The following LHPP variants were observed in gnomAD, a reference collection of about 807,000 sequenced individuals.
LHPP encodes hLHPP.
Under a neutral mutation model 30.3 loss-of-function variants are expected in LHPP, and 24 were observed. The observed-to-expected ratio is 0.79, with a 90% CI of 0.57 to 1.11. The LOEUF (loss-of-function observed/expected upper bound fraction) is 1.11. Among genes scored for constraint, LHPP ranks in the 50% most tolerant of loss-of-function variants. The probability of loss-of-function intolerance (pLI) is 0.00; values close to 1 mark genes in which losing one functional copy is unlikely to be tolerated. For synonymous variants in LHPP, 150 were observed against 157.1 expected, an observed-to-expected ratio of 0.95 and a Z score of 0.34; for missense variants, 356 against 367.2, an observed-to-expected ratio of 0.97 and a Z score of 0.25.
intron 6 of LHPP, among the ~76,000 whole-genome samples, chr10:124,546,558 A>G (rs1201080207): frequency 6.6e-6 from 1 of 151,896 alleles, no homozygotes; most frequent in Non-Finnish European, 1.5e-5. Flanking sequence ...GCCTGCCACC[A>G]CGCCCGGCTA....
intron 6 of LHPP, among the ~76,000 whole-genome samples, chr10:124,607,896 G>A (rs977525782): frequency 2.0e-5 from 3 of 152,208 alleles, no homozygotes; most frequent in Non-Finnish European, 4.4e-5. Flanking sequence ...GGGTGCACAC[G>A]TGGCGGCTGC....
At chr10:124,520,993 G>A (rs951510115) in intron 6 of LHPP, among the ~76,000 whole-genome samples, 2 of 152,234 alleles carry the variant, frequency 1.3e-5, no homozygotes, top group African/African-American at 2.4e-5. Context: ...GTGGCTACTA[G>A]AAAAGGTTCG....
intron 1 of LHPP, among the ~76,000 whole-genome samples, chr10:124,467,700 G>T (rs141313951): frequency 2.7e-3 from 315 of 115,216 alleles, no homozygotes; most frequent in African/African-American, 0.01. Context: ...TTTTGTGTGT[G>T]TGTGTGTTTT....
At chr10:124,553,731 TTACAGGCGTGAGCCACCACGCCCGGCC>T in intron 6 of LHPP, among the ~76,000 whole-genome samples, 1 of 152,292 alleles carries the variant, frequency 6.6e-6, no homozygotes, top group Non-Finnish European at 1.5e-5. Flanking sequence ...AGTGCCGGGA[TTACAGGCGTGAGCCACCACGCCCGGCC>T]TACAGCCATT....
In LHPP at chr10:124,564,947, G is replaced by A. The variant is rs147967885; in HGVS notation, c.716+47676G>A. ...ACATCTTATGTTCTCACTGATATGT[G>A]GGAGCTAAGCTATGAAGACGCAAAG... On this transcript the variant is annotated intron_variant, in intron 6 of 6. Coordinates refer to ENST00000368842, the MANE Select transcript of LHPP (RefSeq NM_022126.4). Among the ~76,000 whole-genome samples, 541 of 152,328 alleles carry A rather than the reference G, an allele frequency of 3.6e-3. 2 individuals carry two copies. The highest frequency in any genetic ancestry group is 0.012 in the African/African-American group (513 of 41,568).
At position 124,508,166 on chromosome 10, in the gene LHPP, C is replaced by T. The variant is rs527717727; in HGVS notation, c.625-9014C>T. Among the ~76,000 whole-genome samples the T allele has an allele frequency of 3.0e-4, 45 of 152,172 alleles. 1 individual carries two copies. The highest frequency in any genetic ancestry group is 5.0e-4 in the Non-Finnish European group (34 of 67,974). Reference sequence around the variant, plus strand: ...ATGTCTGTCCACATGGGGGCCACTCCGGCCCAGTTCTTTCTGCTGTGGCCT... The same window carrying T: ...ATGTCTGTCCACATGGGGGCCACTCTGGCCCAGTTCTTTCTGCTGTGGCCT... On this transcript the variant is annotated intron_variant, in intron 5 of 6. Transcript: ENST00000368842.
intron 6 of LHPP, among the ~76,000 whole-genome samples, chr10:124,550,604 G>A (rs898015828): frequency 2.6e-5 from 4 of 152,324 alleles, no homozygotes; most frequent in Admixed American, 2.0e-4. Flanking sequence ...GCACAGGGCC[G>A]TTCCCTTCCT....
chr10:124,613,450 G>A lies in LHPP; in HGVS notation c.*90G>A. ...CCCCTGCCTCTCCTCCACCCGCCCA[G>A]GAGAGCCCCACCTCCTCCACCCCTG... On this transcript the variant is annotated 3_prime_UTR_variant, in exon 7 of 7. Coordinates refer to ENST00000368842, the MANE Select transcript of LHPP (RefSeq NM_022126.4). The A allele has an allele frequency of 5.5e-6, 4 of 731,904 alleles. No homozygotes were observed. The highest frequency in any genetic ancestry group is 6.2e-6 in the Non-Finnish European group (3 of 480,408). The allele number at this position is 731,904 out of a possible 1,614,324, so 45.3% of individuals were successfully genotyped here.
chr10:124,489,780 T>C lies in LHPP; in HGVS notation c.467+1205T>C, dbSNP rs974708540. Reference sequence around the variant, plus strand: ...TGTAATTTTTTTCTTTTTTTTTTTTTCTGCTTATAAGTTTATTCAATGCAA... The same window carrying C: ...TGTAATTTTTTTCTTTTTTTTTTTTCCTGCTTATAAGTTTATTCAATGCAA... On this transcript the variant is annotated intron_variant, in intron 3 of 6. Coordinates refer to ENST00000368842, the MANE Select transcript of LHPP (RefSeq NM_022126.4). 1.5e-4 allele frequency: 27 copies of C among 181,586 alleles called. 1 individual carries two copies. Among genetic ancestry groups the C allele is most frequent in the Non-Finnish European group, 2.3e-5 (2 of 87,520 alleles). The allele number at this position is 181,586 out of a possible 1,614,324, so 11.2% of individuals were successfully genotyped here.
At chr10:124,508,819 G>A (rs998868028) in intron 5 of LHPP, among the ~76,000 whole-genome samples, 2 of 152,056 alleles carry the variant, frequency 1.3e-5, no homozygotes, top group African/African-American at 4.8e-5. Context: ...GGATAATCTT[G>A]TATCTGCTGT....
chr10:124,493,565 G>C (rs1385971682), intron 3 of LHPP, among the ~76,000 whole-genome samples: 3 of 152,158 alleles, frequency 2.0e-5, no homozygotes, highest in African/African-American at 7.2e-5. Context: ...AAATTAAGCT[G>C]TTTACCCGAC....
chr10:124,467,121 A>G (rs1356936375), intron 1 of LHPP, among the ~76,000 whole-genome samples: 1 of 152,002 alleles, frequency 6.6e-6, no homozygotes, highest in Admixed American at 6.6e-5. Context: ...GAGACTCTAA[A>G]AAAAAAAACC....
intron 6 of LHPP, among the ~76,000 whole-genome samples, chr10:124,574,120 T>A (rs1187935250): frequency 6.6e-6 from 1 of 152,088 alleles, no homozygotes; most frequent in Non-Finnish European, 1.5e-5. Flanking sequence ...ATAGACCACA[T>A]GTGTCATCTG....
intron 6 of LHPP, among the ~76,000 whole-genome samples, chr10:124,607,489 A>G (rs914782029): frequency 6.6e-6 from 1 of 152,230 alleles, no homozygotes; most frequent in Non-Finnish European, 1.5e-5. Context: ...ATGATATGTA[A>G]TTAAACATAA....
Position 124,475,030 on chromosome 10 carries a change from C to CTTTTTTTTTTTTTTTTTTTTTTT in LHPP, c.126-9099_126-9098insTTTTTTTTTTTTTTTTTTTTTTT, listed in dbSNP as rs57739169. On this transcript the variant is annotated intron_variant, in intron 1 of 6. Transcript: ENST00000368842. The stretch of plus-strand genomic sequence containing the variant: ...GAAATGTGCCAGGTGCTTCTCATGT[C>CTTTTTTTTTTTTTTTTTTTTTTT]TTTTTTTTTTGAAATGGAGTCTCGC... 9.1e-5 allele frequency among the ~76,000 whole-genome samples: 9 copies of CTTTTTTTTTTTTTTTTTTTTTTT among 98,660 alleles called. 3 individuals carry two copies. The highest frequency in any genetic ancestry group is 1.3e-4 in the Admixed American group (1 of 7,562). 64.7% of individuals were successfully genotyped at this position (98,660 alleles called of 152,430 possible).
At chr10:124,493,086 T>C (rs1953581450) in intron 3 of LHPP, among the ~76,000 whole-genome samples, 1 of 148,014 alleles carries the variant, frequency 6.8e-6, no homozygotes, top group Non-Finnish European at 1.5e-5. Context: ...AGATCATGGA[T>C]AATAATAGTC....
At chr10:124,542,968 A>G (rs1371232981) in intron 6 of LHPP, among the ~76,000 whole-genome samples, 3 of 152,132 alleles carry the variant, frequency 2.0e-5, no homozygotes, top group African/African-American at 7.2e-5. Context: ...GGGATGCAGC[A>G]GCTCTGGGTT....
At chr10:124,601,390 C>CG (rs151234084) in intron 6 of LHPP, among the ~76,000 whole-genome samples, 86 of 152,314 alleles carry the variant, frequency 5.6e-4, no homozygotes, top group African/African-American at 1.9e-3. Flanking sequence ...TGCGCTTGAC[C>CG]GGGGGGCCTT....
chr10:124,471,490 TTA>T (rs1294443497), intron 1 of LHPP, among the ~76,000 whole-genome samples: 1 of 806 alleles, frequency 1.2e-3, no homozygotes, highest in African/African-American at 1.7e-3. Flanking sequence ...ATTTATATAT[TTA>T]TATATATTTA....
Sources: allele counts gnomAD v4.1 joint callset (sites outside exome capture counted in the v4.1 genomes callset), GRCh38; gene constraint gnomAD v4.1.1; transcripts MANE v1.5; gene names NCBI Gene and HGNC (gene_info 2026-07-23, HGNC 2026-07-21).